TRIM44: variants seen among roughly 807,000 people sequenced by gnomAD.
TRIM44 encodes tripartite motif-containing protein 44.
In TRIM44, 13 loss-of-function variants were observed where a neutral mutation model predicts 37.4. That is an observed-to-expected ratio of 0.35 (90% CI 0.23 to 0.55). TRIM44 has a LOEUF of 0.55. TRIM44 is among the 20% of genes least tolerant of loss of function. The probability of loss-of-function intolerance (pLI) is 0.89; values close to 1 mark genes in which losing one functional copy is unlikely to be tolerated. For missense variants in TRIM44, 426 were observed against 437.2 expected, an observed-to-expected ratio of 0.97 and a Z score of 0.23; for synonymous variants, 175 against 157.2, an observed-to-expected ratio of 1.11 and a Z score of -0.85.
At chr11:35,673,202 G>T (rs1485699179) in intron 1 of TRIM44, among the ~76,000 whole-genome samples, 1 of 152,172 alleles carries the variant, frequency 6.6e-6, no homozygotes, top group Non-Finnish European at 1.5e-5. Context: ...GAGTTGGTGT[G>T]GCAGGATAGG....
intron 1 of TRIM44, among the ~76,000 whole-genome samples, chr11:35,683,998 A>G (rs1851547483): frequency 6.6e-6 from 1 of 152,186 alleles, no homozygotes; most frequent in Admixed American, 6.5e-5. Flanking sequence ...AACTAATTTA[A>G]TCTTACTGCA....
chr11:35,780,619 T>C (rs1179692930), intron 4 of TRIM44, among the ~76,000 whole-genome samples: 1 of 152,166 alleles, frequency 6.6e-6, no homozygotes, highest in East Asian at 1.9e-4. Flanking sequence ...ACAAACCGAA[T>C]CTCAGAGAGA....
chr11:35,769,497 A>G (rs1192163551), intron 4 of TRIM44, among the ~76,000 whole-genome samples: 1 of 152,114 alleles, frequency 6.6e-6, no homozygotes, highest in East Asian at 1.9e-4. Flanking sequence ...TCTGATGTGC[A>G]TGTTCAGGAC....
intron 4 of TRIM44, among the ~76,000 whole-genome samples, chr11:35,805,367 A>G (rs1055286377): frequency 6.6e-6 from 1 of 152,190 alleles, no homozygotes; most frequent in Non-Finnish European, 1.5e-5. Flanking sequence ...GAGTGTGCTC[A>G]TTCCTGCATT....
intron 2 of TRIM44, among the ~76,000 whole-genome samples, chr11:35,710,167 G>A (rs1851949674): frequency 6.6e-6 from 1 of 152,150 alleles, no homozygotes; most frequent in Admixed American, 6.6e-5. Context: ...TGTCTATTAA[G>A]TTAGGTTACA....
intron 4 of TRIM44, among the ~76,000 whole-genome samples, chr11:35,769,496 CA>C (rs1236081770): frequency 6.6e-6 from 1 of 152,126 alleles, no homozygotes; most frequent in African/African-American, 2.4e-5. Flanking sequence ...TTCTGATGTG[CA>C]TGTTCAGGAC....
chr11:35,705,379 C>T (rs1851865386), intron 2 of TRIM44, among the ~76,000 whole-genome samples: 1 of 152,102 alleles, frequency 6.6e-6, no homozygotes, highest in Non-Finnish European at 1.5e-5. Flanking sequence ...CAAGGATACC[C>T]AGGAATTGAA....
chr11:35,667,488 G>A (rs1851345205), intron 1 of TRIM44, among the ~76,000 whole-genome samples: 1 of 152,182 alleles, frequency 6.6e-6, no homozygotes, highest in Admixed American at 6.5e-5. Context: ...TCCCACCTGA[G>A]CATCCTGAGT....
In TRIM44 at chr11:35,816,480, T is replaced by C. The variant is rs950112846; in HGVS notation, c.*10095T>C. On this transcript the variant is annotated 3_prime_UTR_variant, in exon 5 of 5. Coordinates refer to ENST00000299413, the MANE Select transcript of TRIM44 (RefSeq NM_017583.6). The stretch of plus-strand genomic sequence containing the variant: ...ACACAACTGGCATCAGATAATACAA[T>C]GTAATTGATTTTATGTGTGTAATTG... 26 of 152,184 alleles carry C rather than the reference T, an allele frequency of 1.7e-4. No individual in the cohort carries two copies. The highest frequency in any genetic ancestry group is 4.1e-4 in the African/African-American group (17 of 41,448). The allele number at this position is 152,184 out of a possible 1,614,324, so 9.4% of individuals were successfully genotyped here.
At chr11:35,753,435 T>C (rs529598534) in intron 4 of TRIM44, among the ~76,000 whole-genome samples, 149 of 152,298 alleles carry the variant, frequency 9.8e-4, no homozygotes, top group South Asian at 2.3e-3. Flanking sequence ...TCTTCATTCA[T>C]TCTCAGACAC....
intron 1 of TRIM44, among the ~76,000 whole-genome samples, chr11:35,683,429 T>C (rs1851541374): frequency 6.6e-6 from 1 of 152,122 alleles, no homozygotes. Flanking sequence ...GGGGGAAAAT[T>C]GACCCTTTAG....
rs541324822 is a variant in TRIM44, at chr11:35,700,243, C to T, written c.747+14907C>T. Among the ~76,000 whole-genome samples the T allele has an allele frequency of 1.6e-3, 237 of 152,286 alleles. 2 individuals are homozygous for T. Among genetic ancestry groups the T allele is most frequent in the African/African-American group, 5.4e-3 (226 of 41,558 alleles). On this transcript the variant is annotated intron_variant, in intron 2 of 4. Coordinates refer to ENST00000299413, the MANE Select transcript of TRIM44 (RefSeq NM_017583.6). ...CTGTTTGTGCTTTTATTTCTATGTT[C>T]AATTTACTGATAAACCAGCAAATAC...
Position 35,807,815 on chromosome 11 carries a change from C to G in TRIM44, c.*1430C>G, listed in dbSNP as rs888182438. 4 of 152,046 alleles carry G rather than the reference C, an allele frequency of 2.6e-5. No homozygotes were observed. Among genetic ancestry groups the G allele is most frequent in the Admixed American group, 2.0e-4 (3 of 15,258 alleles). 9.4% of individuals were successfully genotyped at this position (152,046 alleles called of 1,614,324 possible). A position where few individuals can be genotyped will look rare whatever the true frequency, so the allele number is the denominator to read the frequency against. ...TCTACCTTTATGGTATTTTGGTGTT[C>G]ACTTACGAAGCATACAACTAGAACC... On this transcript the variant is annotated 3_prime_UTR_variant, in exon 5 of 5. Coordinates refer to ENST00000299413, the MANE Select transcript of TRIM44 (RefSeq NM_017583.6).
At chr11:35,690,696 A>T (rs1590509083) in intron 2 of TRIM44, among the ~76,000 whole-genome samples, 1 of 152,250 alleles carries the variant, frequency 6.6e-6, no homozygotes, top group East Asian at 1.9e-4. Context: ...TTTGGAGATC[A>T]TGAGTTATAT....
At chr11:35,703,785 A>C (rs1374062229) in intron 2 of TRIM44, among the ~76,000 whole-genome samples, 2 of 152,060 alleles carry the variant, frequency 1.3e-5, no homozygotes, top group Non-Finnish European at 2.9e-5. Flanking sequence ...CAAAGACCAA[A>C]AGTAGATAAA....
chr11:35,805,270 A>G (rs1381181463), intron 4 of TRIM44, among the ~76,000 whole-genome samples: 1 of 152,190 alleles, frequency 6.6e-6, no homozygotes, highest in Non-Finnish European at 1.5e-5. Context: ...GCACTTGCTC[A>G]AGCTGGCTCT....
chr11:35,733,105 A>C (rs1852284010), intron 3 of TRIM44, among the ~76,000 whole-genome samples: 1 of 152,186 alleles, frequency 6.6e-6, no homozygotes, highest in South Asian at 2.1e-4. Flanking sequence ...AGATTTTCTC[A>C]TTTATTTTAA....
chr11:35,708,672 A>G (rs1030544236), intron 2 of TRIM44, among the ~76,000 whole-genome samples: 1 of 151,718 alleles, frequency 6.6e-6, no homozygotes, highest in African/African-American at 2.4e-5. Flanking sequence ...CAAAAAACCA[A>G]ACACTGCATA....
At chr11:35,793,746 C>T (rs899719082) in intron 4 of TRIM44, among the ~76,000 whole-genome samples, 14 of 152,236 alleles carry the variant, frequency 9.2e-5, no homozygotes, top group Admixed American at 3.3e-4. Flanking sequence ...TCATGTGCTC[C>T]CTTCACTCCT....
Sources: gnomAD v4.1 joint callset for allele counts (sites outside exome capture counted in the v4.1 genomes callset) on GRCh38, gnomAD v4.1.1 for gene constraint, MANE v1.5 for transcripts, NCBI Gene and HGNC (gene_info 2026-07-23, HGNC 2026-07-21) for gene names.